SENP5: variants seen among roughly 807,000 people sequenced by gnomAD.
SENP5 encodes sentrin-specific protease 5.
Under a neutral mutation model 74.2 loss-of-function variants are expected in SENP5, and 21 were observed. The ratio of observed to expected loss-of-function variants is 0.28; its 90% CI spans 0.20 to 0.41. SENP5 has a LOEUF of 0.41. SENP5 is among the 10% of genes least tolerant of loss of function. SENP5 has a pLI of 1.00. For missense variants in SENP5, 717 were observed against 889.1 expected, an observed-to-expected ratio of 0.81 and a Z score of 2.46; for synonymous variants, 311 against 312.7, an observed-to-expected ratio of 0.99 and a Z score of 0.06.
At chr3:196,868,581 G>C (rs1343603772) in intron 1 of SENP5, among the ~76,000 whole-genome samples, 2 of 152,196 alleles carry the variant, frequency 1.3e-5, no homozygotes, top group Non-Finnish European at 2.9e-5. Flanking sequence ...TCCGCTCTAC[G>C]CCCTGTGGCC....
At chr3:196,876,097 A>G in intron 1 of SENP5, among the ~76,000 whole-genome samples, 1 of 152,310 alleles carries the variant, frequency 6.6e-6, no homozygotes, top group South Asian at 2.1e-4. Context: ...TTGTTTATAT[A>G]GAAGTGATTT....
At chr3:196,917,523 A>G (rs182407337) in intron 6 of SENP5, among the ~76,000 whole-genome samples, 5 of 152,288 alleles carry the variant, frequency 3.3e-5, no homozygotes, top group South Asian at 2.1e-4. Flanking sequence ...TTAATAGTCA[A>G]ACTCCCAAAG....
intron 2 of SENP5, among the ~76,000 whole-genome samples, chr3:196,887,812 A>C (rs1057343938): frequency 6.6e-6 from 1 of 152,074 alleles, no homozygotes; most frequent in Non-Finnish European, 1.5e-5. Flanking sequence ...TCTGTCACCC[A>C]GGCTGGAGTG....
intron 6 of SENP5, among the ~76,000 whole-genome samples, chr3:196,904,536 C>G (rs914567905): frequency 2.6e-5 from 4 of 152,108 alleles, no homozygotes; most frequent in Non-Finnish European, 4.4e-5. Flanking sequence ...GCCTGTAATC[C>G]CAGCACTTTG....
intron 6 of SENP5, among the ~76,000 whole-genome samples, chr3:196,916,634 TCTC>T (rs1304399798): frequency 6.6e-6 from 1 of 151,602 alleles, no homozygotes; most frequent in African/African-American, 2.4e-5. Flanking sequence ...TTCAGGCAAT[TCTC>T]CTGCCTCAGC....
At chr3:196,927,682 C>A in intron 7 of SENP5, 114 bp from the exon 8 acceptor site, 4 of 553,350 alleles carry the variant, frequency 7.2e-6, no homozygotes, top group Admixed American at 3.1e-5. Context: ...AATGCATATT[C>A]TGCCCAGTTA....
At position 196,929,752 on chromosome 3, in the gene SENP5, A is replaced by G. The variant is rs75889502; in HGVS notation, c.2157+69A>G. ...AGTCTGTTGGGTTGAGAGGGGAGAG[A>G]TGGCAGTTCCTGTATGTGTATATGA... On this transcript the variant is annotated intron_variant, in intron 9 of 9. Coordinates refer to ENST00000323460, the MANE Select transcript of SENP5 (RefSeq NM_152699.5). The G allele has an allele frequency of 1.8e-3, 1,881 of 1,051,888 alleles. 28 individuals carry two copies. The East Asian group carries it at 0.034, about 19-fold the overall frequency. 65.2% of individuals were successfully genotyped at this position (1,051,888 alleles called of 1,614,324 possible).
chr3:196,875,023 T>G (rs1312243331), intron 1 of SENP5, among the ~76,000 whole-genome samples: 1 of 152,254 alleles, frequency 6.6e-6, no homozygotes, highest in Non-Finnish European at 1.5e-5. Flanking sequence ...CATGATGTCC[T>G]CTTTTCAGAA....
intron 1 of SENP5, among the ~76,000 whole-genome samples, chr3:196,879,999 G>A (rs534631922): frequency 6.6e-6 from 1 of 151,748 alleles, no homozygotes; most frequent in Non-Finnish European, 1.5e-5. Context: ...AGGCTGGAGT[G>A]CAGTGGCGTG....
intron 2 of SENP5, among the ~76,000 whole-genome samples, chr3:196,887,894 A>G (rs1219223468): frequency 6.6e-6 from 1 of 152,008 alleles, no homozygotes; most frequent in Admixed American, 6.6e-5. Flanking sequence ...CAGCCTCCCA[A>G]GTAGCTGAGA....
intron 6 of SENP5, among the ~76,000 whole-genome samples, chr3:196,920,960 G>T (rs376031631): frequency 1.3e-5 from 2 of 152,160 alleles, no homozygotes; most frequent in African/African-American, 2.4e-5. Flanking sequence ...ATGGCAATGG[G>T]CAAGTCTGTA....
Position 196,934,371 on chromosome 3 carries a change from T to C in SENP5, c.*3448T>C, listed in dbSNP as rs1428444321. On this transcript the variant is annotated 3_prime_UTR_variant, in exon 10 of 10. Coordinates refer to ENST00000323460, the MANE Select transcript of SENP5 (RefSeq NM_152699.5). Reference sequence around the variant, plus strand: ...TAACGGGGTTCTGGGCAGGTCAGACTCTTCAGCAAGACAGTGTATTAATAG... The same window carrying C: ...TAACGGGGTTCTGGGCAGGTCAGACCCTTCAGCAAGACAGTGTATTAATAG... 2 of 152,242 alleles carry C rather than the reference T, an allele frequency of 1.3e-5. No individual in the cohort carries two copies. The highest frequency in any genetic ancestry group is 2.9e-5 in the Non-Finnish European group (2 of 68,050). The allele number at this position is 152,242 out of a possible 1,614,324, so 9.4% of individuals were successfully genotyped here. A position where few individuals can be genotyped will look rare whatever the true frequency, so the allele number is the denominator to read the frequency against.
At chr3:196,868,574 G>A (rs542883998) in intron 1 of SENP5, among the ~76,000 whole-genome samples, 3 of 152,204 alleles carry the variant, frequency 2.0e-5, no homozygotes, top group African/African-American at 7.2e-5. Flanking sequence ...ATCAGCCTCC[G>A]CTCTACGCCC....
At chr3:196,880,838 A>G (rs1424300353) in intron 1 of SENP5, among the ~76,000 whole-genome samples, 1 of 151,666 alleles carries the variant, frequency 6.6e-6, no homozygotes, top group African/African-American at 2.4e-5. Context: ...ACAGGGTTTC[A>G]CCGTGTTGGC....
At chr3:196,900,549 C>T (rs941545343) in intron 5 of SENP5, 137 bp downstream of exon 5, 1 of 621,630 alleles carries the variant, frequency 1.6e-6, no homozygotes, top group Admixed American at 3.3e-5. Flanking sequence ...TTTTCTTGAT[C>T]ATGTACTGGG....
chr3:196,873,598 T>G (rs1390371412), intron 1 of SENP5, among the ~76,000 whole-genome samples: 2 of 151,818 alleles, frequency 1.3e-5, no homozygotes, highest in African/African-American at 4.8e-5. Context: ...CCCAGCACTT[T>G]GGGAGTCTGA....
chr3:196,877,488 A>C (rs1313828399), intron 1 of SENP5, among the ~76,000 whole-genome samples: 1 of 152,198 alleles, frequency 6.6e-6, no homozygotes, highest in Non-Finnish European at 1.5e-5. Context: ...CCCGGCCACT[A>C]TCTCGCTATT....
intron 6 of SENP5, among the ~76,000 whole-genome samples, chr3:196,917,982 A>G (rs559438682): frequency 5.1e-4 from 78 of 152,278 alleles, no homozygotes; most frequent in African/African-American, 1.9e-3. Flanking sequence ...AAAAATTATA[A>G]TTACAATTTT....
intron 4 of SENP5, 124 bp downstream of exon 4, chr3:196,900,186 C>G (rs1276445980): frequency 7.6e-7 from 1 of 1,311,462 alleles, no homozygotes; most frequent in Non-Finnish European, 1.0e-6. Flanking sequence ...TTACTGGTTA[C>G]TTGCCCCAGG....
Sources: allele counts gnomAD v4.1 joint callset (sites outside exome capture counted in the v4.1 genomes callset), GRCh38; gene constraint gnomAD v4.1.1; transcripts MANE v1.5; gene names NCBI Gene and HGNC (gene_info 2026-07-23, HGNC 2026-07-21).